GUCY1B1: variants seen among roughly 807,000 people sequenced by gnomAD.
GUCY1B1 encodes the protein guanylate cyclase soluble subunit beta-1.
GUCY1B1 carries 43 observed loss-of-function variants against 71.0 expected under a neutral mutation model. The observed-to-expected ratio is 0.61, with a 90% CI of 0.47 to 0.78. The LOEUF (loss-of-function observed/expected upper bound fraction) is 0.78, where lower values mean the gene tolerates loss of function less well. GUCY1B1 is among the 30% of genes least tolerant of loss of function. The pLI is 0.00. For missense variants in GUCY1B1, 535 were observed against 754.1 expected (o/e 0.71, Z 3.40); for synonymous variants, 266 against 259.7 (o/e 1.02, Z -0.23).
Position 155,802,284 on chromosome 4 carries a change from G to A in GUCY1B1, c.1176-58G>A, listed in dbSNP as rs759246758. On this transcript the variant is annotated intron_variant, in intron 9 of 13. Transcript: ENST00000264424. This position sits in a 1 kb window ranked among gnomAD's most constrained non-coding sequence, Gnocchi z 4.3. ...ATGCTGTGTGAAAAGGACAGCAGAAGCACTAAAGGCTTTCCCAGTATTTCT... is the reference window on the plus strand; with the variant it reads ...ATGCTGTGTGAAAAGGACAGCAGAAACACTAAAGGCTTTCCCAGTATTTCT... 26 of 1,605,094 alleles carry A rather than the reference G, an allele frequency of 1.6e-5. No homozygotes were observed. The highest frequency in any genetic ancestry group is 3.3e-4 in the Middle Eastern group (2 of 6,056).
chr4:155,807,420 T>C lies in GUCY1B1; in HGVS notation c.*1011T>C, dbSNP rs1247029468. ...GTTGGAATAATTGGCCTCTAGCTCTTAAATGTCTCTGATAACTTATTAATA... is the reference window on the plus strand; with the variant it reads ...GTTGGAATAATTGGCCTCTAGCTCTCAAATGTCTCTGATAACTTATTAATA... On this transcript the variant is annotated 3_prime_UTR_variant, in exon 14 of 14. Coordinates refer to ENST00000264424, the MANE Select transcript of GUCY1B1 (RefSeq NM_000857.5). The C allele has an allele frequency of 6.6e-6, 1 of 152,176 alleles. No individual in the cohort carries two copies. The highest frequency in any genetic ancestry group is 2.4e-5 in the African/African-American group (1 of 41,466). The allele number at this position is 152,176 out of a possible 1,614,324, so 9.4% of individuals were successfully genotyped here.
intron 4 of GUCY1B1, among the ~76,000 whole-genome samples, chr4:155,785,000 C>T (rs945527754): frequency 5.9e-5 from 9 of 151,988 alleles, no homozygotes; most frequent in African/African-American, 2.2e-4. Flanking sequence ...TCTGAAATTC[C>T]AGTAGAGTAC....
At chr4:155,770,842 C>T (rs142050941) in intron 2 of GUCY1B1, among the ~76,000 whole-genome samples, 130 of 152,262 alleles carry the variant, frequency 8.5e-4, no homozygotes, top group Middle Eastern at 6.8e-3. Flanking sequence ...TGCATCCAGC[C>T]CCTTCCTCTT....
intron 4 of GUCY1B1, among the ~76,000 whole-genome samples, chr4:155,778,806 G>A (rs1738226321): frequency 6.6e-6 from 1 of 152,052 alleles, no homozygotes; most frequent in Non-Finnish European, 1.5e-5. Context: ...AAATGTTTTG[G>A]GGGATTTTGG....
At chr4:155,770,259 C>A (rs1321896178) in intron 2 of GUCY1B1, among the ~76,000 whole-genome samples, 1 of 152,088 alleles carries the variant, frequency 6.6e-6, no homozygotes, top group Non-Finnish European at 1.5e-5. Context: ...AGCCCTAAAG[C>A]TAAGGAGAGA....
intron 3 of GUCY1B1, among the ~76,000 whole-genome samples, chr4:155,776,636 C>T (rs2111039968): frequency 6.6e-6 from 1 of 152,022 alleles, no homozygotes; most frequent in Middle Eastern, 3.4e-3. Context: ...TACCAGTGCA[C>T]TACAGCCTGG....
intron 4 of GUCY1B1, among the ~76,000 whole-genome samples, chr4:155,788,220 T>G (rs1738928227): frequency 6.6e-6 from 1 of 152,170 alleles, no homozygotes; most frequent in Non-Finnish European, 1.5e-5. Flanking sequence ...GGGATAATTG[T>G]TTTCTTCCTC....
At chr4:155,770,812 T>TA (rs1241193474) in intron 2 of GUCY1B1, among the ~76,000 whole-genome samples, 2 of 152,092 alleles carry the variant, frequency 1.3e-5, no homozygotes, top group African/African-American at 2.4e-5. Flanking sequence ...CACCTATGTA[T>TA]ATTATCCTCA....
chr4:155,764,661 T>C (rs1737210652), intron 2 of GUCY1B1, among the ~76,000 whole-genome samples: 1 of 152,208 alleles, frequency 6.6e-6, no homozygotes, highest in African/African-American at 2.4e-5. Flanking sequence ...AGGATCAGGA[T>C]CCTTTTCTGT....
chr4:155,785,469 A>G (rs1032928319), intron 4 of GUCY1B1: 1 of 529,006 alleles, frequency 1.9e-6, no homozygotes, highest in Admixed American at 3.7e-5. Flanking sequence ...ATCAGTTTTG[A>G]TATGAAACTC....
chr4:155,774,140 GC>G (rs977517777), intron 2 of GUCY1B1, among the ~76,000 whole-genome samples: 1 of 152,140 alleles, frequency 6.6e-6, no homozygotes, highest in African/African-American at 2.4e-5. Flanking sequence ...AAGTGCTCAA[GC>G]CCTTCACCTC....
intron 13 of GUCY1B1, among the ~76,000 whole-genome samples, 197 bp downstream of exon 13, chr4:155,805,426 T>C (rs894540631): frequency 1.3e-5 from 2 of 152,176 alleles, no homozygotes; most frequent in African/African-American, 2.4e-5. Flanking sequence ...GATACTTTAG[T>C]GATTTTTGTC....
At position 155,803,631 on chromosome 4, in the gene GUCY1B1, C is replaced by T; in HGVS notation, c.1421C>T (p.Thr474Ile). The T allele has an allele frequency of 6.3e-7, 1 of 1,582,936 alleles. No homozygotes were observed. The highest frequency in any genetic ancestry group is 8.6e-7 in the Non-Finnish European group (1 of 1,164,882). ...AAATATATGTACTGTTAGGTGGAGA[C>T]TGTTGGTGACAAGTATATGACAGTG... ...RKNPFVYKVE[T>I]VGDKYMTVSG... The change falls in exon 11 of 14, where the codon ACT becomes ATT. Residue 474 changes from threonine to isoleucine, a missense_variant. Physicochemically the swap from Thr to Ile is moderately conservative, Grantham distance 89. Transcript: ENST00000264424.
chr4:155,780,320 A>G (rs1406996985), intron 4 of GUCY1B1, among the ~76,000 whole-genome samples: 1 of 152,146 alleles, frequency 6.6e-6, no homozygotes, highest in Non-Finnish European at 1.5e-5. Context: ...TGCCTGGAGC[A>G]TGTTTCCAGC....
chr4:155,806,269 A>C (rs2111189908), intron 13 of GUCY1B1, 117 bp from the exon 14 acceptor site: 1 of 612,134 alleles, frequency 1.6e-6, no homozygotes, highest in Non-Finnish European at 2.9e-6. Context: ...AATGATTTAC[A>C]GAAACTGTAG....
At chr4:155,782,860 G>A (rs1211339728) in intron 4 of GUCY1B1, among the ~76,000 whole-genome samples, 2 of 152,176 alleles carry the variant, frequency 1.3e-5, no homozygotes, top group African/African-American at 4.8e-5. Flanking sequence ...GAGGCCACGT[G>A]TAGACTGGCA....
At chr4:155,767,649 A>G (rs1438637003) in intron 2 of GUCY1B1, among the ~76,000 whole-genome samples, 1 of 152,086 alleles carries the variant, frequency 6.6e-6, no homozygotes, top group African/African-American at 2.4e-5. Flanking sequence ...GACCTTTACT[A>G]ACTAAAAGGG....
At chr4:155,798,707 C>A (rs913530241) in intron 8 of GUCY1B1, among the ~76,000 whole-genome samples, 3 of 151,982 alleles carry the variant, frequency 2.0e-5, no homozygotes, top group African/African-American at 7.3e-5. Flanking sequence ...CCAGATTCTC[C>A]AAAGACATAA....
At chr4:155,795,535 A>T (rs1037349074) in intron 7 of GUCY1B1, 78 bp downstream of exon 7, 3 of 693,236 alleles carry the variant, frequency 4.3e-6, no homozygotes, top group Non-Finnish European at 7.6e-6. Flanking sequence ...AAATTATCAC[A>T]TTCTCTGAGA....
Sources: gnomAD v4.1 joint callset for allele counts (sites outside exome capture counted in the v4.1 genomes callset) on GRCh38, gnomAD v4.1.1 for gene constraint, Gnocchi (gnomAD v3.1) non-coding constraint, MANE v1.5 for transcripts, NCBI Gene and HGNC (gene_info 2026-07-23, HGNC 2026-07-21) for gene names.